ARHGEF26: variants seen among roughly 807,000 people sequenced by gnomAD.
The protein encoded by ARHGEF26 is Rho guanine nucleotide exchange factor 26, also known as Rho guanine nucleotide exchange factor (GEF) 26.
A neutral mutation model predicts 89.4 loss-of-function variants in ARHGEF26; 59 were observed. That is an observed-to-expected ratio of 0.66 (90% CI 0.54 to 0.82). The LOEUF is 0.82. Among genes scored for constraint, ARHGEF26 ranks in the 40% least tolerant of loss-of-function variants. The pLI, the probability that ARHGEF26 is intolerant of heterozygous loss-of-function variation, is 0.00. For missense variants in ARHGEF26, 1,234 were observed against 1,085.6 expected, an observed-to-expected ratio of 1.14 and a Z score of -1.92; for synonymous variants, 500 against 428.4, an observed-to-expected ratio of 1.17 and a Z score of -2.06.
intron 6 of ARHGEF26, among the ~76,000 whole-genome samples, chr3:154,176,528 A>T (rs1161979376): frequency 1.3e-5 from 2 of 152,160 alleles, no homozygotes; most frequent in African/African-American, 4.8e-5. Flanking sequence ...TTCACAAGCA[A>T]TGAAAGGAGA....
intron 9 of ARHGEF26, among the ~76,000 whole-genome samples, chr3:154,199,863 A>AGAAATGTC (rs1336630556): frequency 1.3e-5 from 2 of 152,020 alleles, no homozygotes; most frequent in Non-Finnish European, 2.9e-5. Flanking sequence ...ATGTCTTTTG[A>AGAAATGTC]GAAATGTCTA....
chr3:154,136,416 G>C (rs905018301), intron 4 of ARHGEF26, among the ~76,000 whole-genome samples: 75 of 152,246 alleles, frequency 4.9e-4, no homozygotes, highest in Admixed American at 4.4e-3. Flanking sequence ...TCTGGGCTCA[G>C]CTCTTAAAGC....
intron 11 of ARHGEF26, among the ~76,000 whole-genome samples, chr3:154,226,350 G>A (rs1489624975): frequency 6.6e-6 from 1 of 152,044 alleles, no homozygotes; most frequent in African/African-American, 2.4e-5. Context: ...TAAAATTTTT[G>A]TGTAAAACAG....
At chr3:154,242,839 A>G (rs530418051) in intron 12 of ARHGEF26, among the ~76,000 whole-genome samples, 2 of 152,082 alleles carry the variant, frequency 1.3e-5, no homozygotes, top group South Asian at 4.2e-4. Context: ...AGGGAGCTTC[A>G]TCTTCATGTG....
intron 12 of ARHGEF26, 72 bp downstream of exon 12, chr3:154,240,651 A>G: frequency 7.2e-7 from 1 of 1,387,920 alleles, no homozygotes; most frequent in Non-Finnish European, 9.7e-7. Flanking sequence ...TGGTTTACAG[A>G]CTTCCTAAAA....
At chr3:154,153,972 C>T (rs1415495677) in intron 6 of ARHGEF26, among the ~76,000 whole-genome samples, 1 of 151,994 alleles carries the variant, frequency 6.6e-6, no homozygotes, top group Non-Finnish European at 1.5e-5. Flanking sequence ...TAGAATTTCC[C>T]ATGAGGCACA....
chr3:154,136,599 C>T (rs977014525), intron 4 of ARHGEF26, among the ~76,000 whole-genome samples: 2 of 152,150 alleles, frequency 1.3e-5, no homozygotes, highest in African/African-American at 4.8e-5. Context: ...TTACTCTGTG[C>T]TTATTGTGAA....
chr3:154,125,800 T>C (rs1020840155), intron 3 of ARHGEF26, among the ~76,000 whole-genome samples: 1 of 152,108 alleles, frequency 6.6e-6, no homozygotes, highest in African/African-American at 2.4e-5. Flanking sequence ...TGTACATACA[T>C]ATGTACATGA....
chr3:154,210,025 C>T (rs1466282620), intron 9 of ARHGEF26, among the ~76,000 whole-genome samples: 2 of 152,154 alleles, frequency 1.3e-5, no homozygotes, highest in East Asian at 1.9e-4. Context: ...TTTTAGCCAC[C>T]ACCACCCCAG....
At chr3:154,212,355 A>T (rs996089366) in intron 9 of ARHGEF26, among the ~76,000 whole-genome samples, 1 of 138,242 alleles carries the variant, frequency 7.2e-6, no homozygotes, top group East Asian at 2.2e-4. Flanking sequence ...AAAAAAAAAA[A>T]GGGAAAATTG....
chr3:154,193,503 A>G (rs80060847), intron 8 of ARHGEF26, among the ~76,000 whole-genome samples: 2 of 152,204 alleles, frequency 1.3e-5, no homozygotes, highest in East Asian at 1.9e-4. Context: ...GTAGCCAACT[A>G]CTTTCTACCT....
At chr3:154,250,097 C>G (rs148651349) in intron 12 of ARHGEF26, among the ~76,000 whole-genome samples, 2,372 of 152,194 alleles carry the variant, frequency 0.016, 52 homozygotes, top group African/African-American at 0.055. Flanking sequence ...ATGGTGCACT[C>G]TTGGCTCACC....
chr3:154,193,213 G>A (rs1292604176), intron 8 of ARHGEF26, among the ~76,000 whole-genome samples: 1 of 152,150 alleles, frequency 6.6e-6, no homozygotes, highest in Non-Finnish European at 1.5e-5. Context: ...ATACCCATTA[G>A]TGGGCCATAA....
At chr3:154,165,989 A>G (rs1319422221) in intron 6 of ARHGEF26, among the ~76,000 whole-genome samples, 1 of 152,098 alleles carries the variant, frequency 6.6e-6, no homozygotes, top group Non-Finnish European at 1.5e-5. Flanking sequence ...CCTCCTGGGG[A>G]TGGTTTGAAA....
intron 9 of ARHGEF26, among the ~76,000 whole-genome samples, chr3:154,214,084 A>C (rs534147809): frequency 7.9e-5 from 12 of 152,154 alleles, no homozygotes; most frequent in Non-Finnish European, 1.5e-4. Context: ...CAAAAGAGGG[A>C]AGGTGGGACA....
At chr3:154,171,763 A>G (rs552926688) in intron 6 of ARHGEF26, among the ~76,000 whole-genome samples, 17 of 152,238 alleles carry the variant, frequency 1.1e-4, no homozygotes, top group Admixed American at 2.6e-4. Context: ...TGGAATTTCA[A>G]GCAATGGTGC....
At chr3:154,173,201 A>ACC in intron 6 of ARHGEF26, among the ~76,000 whole-genome samples, 1 of 105,730 alleles carries the variant, frequency 9.5e-6, no homozygotes, top group South Asian at 3.1e-4. Context: ...CACTCCTGCC[A>ACC]CCCCCCCACC....
chr3:154,191,847 C>T (rs1267353926), intron 8 of ARHGEF26, among the ~76,000 whole-genome samples: 2 of 152,194 alleles, frequency 1.3e-5, no homozygotes, highest in African/African-American at 4.8e-5. Flanking sequence ...CCATTTCATA[C>T]AGGAATGAGA....
At chr3:154,215,808 A>G (rs1055498584) in intron 9 of ARHGEF26, among the ~76,000 whole-genome samples, 1 of 152,182 alleles carries the variant, frequency 6.6e-6, no homozygotes, top group Admixed American at 6.5e-5. Context: ...CTCATGACCT[A>G]ATAACCTCCC....
Sources: gnomAD v4.1 joint callset for allele counts (sites outside exome capture counted in the v4.1 genomes callset) on GRCh38, gnomAD v4.1.1 for gene constraint, MANE v1.5 for transcripts, NCBI Gene and HGNC (gene_info 2026-07-23, HGNC 2026-07-21) for gene names.